WIPF3: variants seen among roughly 807,000 people sequenced by gnomAD.
WIPF3 encodes the protein WAS/WASL interacting protein family member 3.
A neutral mutation model predicts 38.9 loss-of-function variants in WIPF3; 33 were observed. That is an observed-to-expected ratio of 0.85 (90% CI 0.64 to 1.14). WIPF3 has a LOEUF of 1.14. WIPF3 is among the 50% of genes most tolerant of loss of function. The pLI, the probability that WIPF3 is intolerant of heterozygous loss-of-function variation, is 0.00. For synonymous variants in WIPF3, 324 were observed against 269.3 expected (o/e 1.20, Z -1.99); for missense variants, 711 against 652.5 (o/e 1.09, Z -0.98).
At chr7:29,879,632 T>G (rs1785675912) in intron 4 of WIPF3, among the ~76,000 whole-genome samples, 2 of 152,212 alleles carry the variant, frequency 1.3e-5, no homozygotes, top group Admixed American at 6.5e-5. Flanking sequence ...CTTAGAGTAG[T>G]CTTGGCTGGG....
intron 2 of WIPF3, among the ~76,000 whole-genome samples, chr7:29,848,638 A>G (rs1785041505): frequency 6.6e-6 from 1 of 152,174 alleles, no homozygotes; most frequent in Admixed American, 6.5e-5. Context: ...ATATAAAGGA[A>G]CTGTAGATAA....
At chr7:29,900,094 C>T (rs910074502) in intron 7 of WIPF3, among the ~76,000 whole-genome samples, 3 of 152,108 alleles carry the variant, frequency 2.0e-5, no homozygotes, top group East Asian at 1.9e-4. Flanking sequence ...TGTGCCACCA[C>T]GCCCAGCTAA....
intron 1 of WIPF3, among the ~76,000 whole-genome samples, chr7:29,824,203 G>T (rs1449474846): frequency 6.6e-6 from 1 of 152,338 alleles, no homozygotes; most frequent in African/African-American, 2.4e-5. Context: ...AGCTATTACG[G>T]ATGCTGAGGC....
intron 4 of WIPF3, among the ~76,000 whole-genome samples, chr7:29,881,870 C>CT (rs1391188688): frequency 6.6e-6 from 1 of 152,240 alleles, no homozygotes; most frequent in Non-Finnish European, 1.5e-5. Context: ...CCGCCACCTC[C>CT]TGGCCTCCTT....
At chr7:29,896,203 G>A (rs1048556689) in intron 7 of WIPF3, among the ~76,000 whole-genome samples, 4 of 152,164 alleles carry the variant, frequency 2.6e-5, no homozygotes, top group African/African-American at 9.7e-5. Context: ...CAGCTGCTGG[G>A]GAGGCTCAGG....
At chr7:29,910,963 G>A (rs1364666685) in intron 8 of WIPF3, among the ~76,000 whole-genome samples, 1 of 152,012 alleles carries the variant, frequency 6.6e-6, no homozygotes, top group East Asian at 1.9e-4. Flanking sequence ...AAATTGGAAA[G>A]CAAGAAGTAA....
At chr7:29,890,483 G>A (rs1345691954) in intron 7 of WIPF3, among the ~76,000 whole-genome samples, 3 of 152,124 alleles carry the variant, frequency 2.0e-5, no homozygotes, top group African/African-American at 4.8e-5. Context: ...TGTCAAATGC[G>A]TTCCCACCCG....
rs985424614 is a variant in WIPF3 at position 29,915,589 on chromosome 7, C to G, written c.*1073C>G. On this transcript the variant is annotated 3_prime_UTR_variant, in exon 9 of 9. Coordinates refer to ENST00000242140, the MANE Select transcript of WIPF3 (RefSeq NM_001080529.3). ...AGGAGAACCTTGCCTGACAACTCCA[C>G]ATTCATTCCCTTGTGGTGGGCACCT... 1.3e-5 allele frequency: 2 copies of G among 152,252 alleles called. No individual in the cohort carries two copies. The highest frequency in any genetic ancestry group is 4.8e-5 in the African/African-American group (2 of 41,452). The allele number at this position is 152,252 out of a possible 1,614,324, so 9.4% of individuals were successfully genotyped here.
At chr7:29,869,604 C>T (rs914002299) in intron 2 of WIPF3, among the ~76,000 whole-genome samples, 2 of 152,026 alleles carry the variant, frequency 1.3e-5, no homozygotes, top group Admixed American at 6.6e-5. Context: ...GTCTCTAATC[C>T]CTGCCTCTGA....
At chr7:29,875,484 A>C (rs1393973374) in intron 2 of WIPF3, among the ~76,000 whole-genome samples, 1 of 152,078 alleles carries the variant, frequency 6.6e-6, no homozygotes, top group East Asian at 1.9e-4. Context: ...GATCATTCAA[A>C]ACCTGAGAGC....
chr7:29,883,323 AC>A (rs944901511), intron 4 of WIPF3, among the ~76,000 whole-genome samples: 1 of 152,182 alleles, frequency 6.6e-6, no homozygotes, highest in Non-Finnish European at 1.5e-5. Context: ...CTCCAGTCTT[AC>A]CTTATGTATT....
rs529043099 is a variant in WIPF3, at chr7:29,857,652, C to T, written c.91-18178C>T. Among the ~76,000 whole-genome samples the T allele has an allele frequency of 2.0e-5, 3 of 152,320 alleles. 1 individual carries two copies. The South Asian group carries it at 6.2e-4, about 32-fold the overall frequency. ...TGGGGTTTCTACATTCTCCCACCTC[C>T]TACCCAGTGACTTCTCCCAGGGATG... is the stretch of plus-strand genomic sequence containing the variant. On this transcript the variant is annotated intron_variant, in intron 2 of 8. Coordinates refer to ENST00000242140, the MANE Select transcript of WIPF3 (RefSeq NM_001080529.3).
At chr7:29,902,858 TG>T (rs1055049442) in intron 7 of WIPF3, among the ~76,000 whole-genome samples, 6 of 110,004 alleles carry the variant, frequency 5.5e-5, no homozygotes, top group African/African-American at 1.6e-4. Flanking sequence ...AAAAAGAGCG[TG>T]TTTTTTTTTT....
intron 8 of WIPF3, chr7:29,905,447 A>G (rs1234336283): frequency 6.6e-6 from 1 of 152,216 alleles, no homozygotes; most frequent in Non-Finnish European, 1.5e-5. Context: ...AATTTGTCTC[A>G]TGTATTTTGG....
At chr7:29,906,300 G>C (rs1360054552) in intron 8 of WIPF3, 1 of 152,084 alleles carries the variant, frequency 6.6e-6, no homozygotes, top group Non-Finnish European at 1.5e-5. Flanking sequence ...AAAATGTGGA[G>C]AAAGTCAAGA....
chr7:29,908,765 G>A (rs1257224501), intron 8 of WIPF3, among the ~76,000 whole-genome samples: 1 of 151,922 alleles, frequency 6.6e-6, no homozygotes, highest in Non-Finnish European at 1.5e-5. Context: ...AAAAATACCC[G>A]GGCATGGTGG....
chr7:29,838,931 G>A (rs1486736002), intron 2 of WIPF3, among the ~76,000 whole-genome samples: 3 of 152,146 alleles, frequency 2.0e-5, no homozygotes, highest in East Asian at 1.9e-4. Context: ...GAATAGCCAC[G>A]TGACAAAAGA....
At position 29,878,476 on chromosome 7, in the gene WIPF3, G is replaced by A. The variant is rs1562784074; in HGVS notation, c.224-533G>A. 6.6e-6 allele frequency among the ~76,000 whole-genome samples: 1 copy of A among 152,140 alleles called. No individual in the cohort carries two copies. The highest frequency in any genetic ancestry group is 1.5e-5 in the Non-Finnish European group (1 of 68,022). ...AAGGTGCAGGGAGGTGCGAGGGGCT[G>A]GGGGCTTGAGGGCTGGAGAGACAGG... On this transcript the variant is annotated intron_variant, in intron 3 of 8. Coordinates refer to ENST00000242140, the MANE Select transcript of WIPF3 (RefSeq NM_001080529.3). The surrounding 1 kb of genome is among the most constrained non-coding windows in gnomAD (Gnocchi z 4.0).
chr7:29,829,698 G>C (rs1032246910), intron 1 of WIPF3, among the ~76,000 whole-genome samples: 1 of 152,212 alleles, frequency 6.6e-6, no homozygotes, highest in African/African-American at 2.4e-5. Context: ...GTAAGGTAAA[G>C]TGACCTGACC....
Sources: allele counts gnomAD v4.1 joint callset (sites outside exome capture counted in the v4.1 genomes callset), GRCh38; gene constraint gnomAD v4.1.1; non-coding constraint Gnocchi (gnomAD v3.1); transcripts MANE v1.5; gene names NCBI Gene and HGNC (gene_info 2026-07-23, HGNC 2026-07-21).